Variants in IAH1 observed in about 807,000 individuals in gnomAD.
The protein encoded by IAH1 is isoamyl acetate hydrolyzing esterase 1 (putative).
IAH1 carries 24 observed loss-of-function variants against 26.7 expected under a neutral mutation model. That is an observed-to-expected ratio of 0.90 (90% confidence interval 0.65 to 1.26). The LOEUF (loss-of-function observed/expected upper bound fraction) is 1.26. IAH1 is among the 50% of genes most tolerant of loss of function. IAH1 has a pLI of 0.00. For synonymous variants in IAH1, 140 were observed against 118.5 expected (o/e 1.18, Z -1.18); for missense variants, 300 against 299.9 (o/e 1.00, Z 0.00).
the IAH1 span, among the ~76,000 whole-genome samples, chr2:9,504,138 G>A: frequency 1.3e-5 from 2 of 151,604 alleles, no homozygotes; most frequent in Non-Finnish European, 2.9e-5. Context: ...GCAACAGACT[G>A]AGACCCTGTC....
rs544861046 is a variant in IAH1 at position 9,476,713 on chromosome 2, T to C, written c.134+674T>C. On this transcript the variant is annotated intron_variant, in intron 2 of 5. Transcript: ENST00000497473. ...CTCTGTGGGGAGCTCCTGAGACTCATTGTCCAGGGGAGGAATGCCACAAGG... is the reference window on the plus strand; with the variant it reads ...CTCTGTGGGGAGCTCCTGAGACTCACTGTCCAGGGGAGGAATGCCACAAGG... Among the ~76,000 whole-genome samples, 11 of 152,300 alleles carry C rather than the reference T, an allele frequency of 7.2e-5. No individual in the cohort carries two copies. The South Asian group carries it at 1.5e-3, about 20-fold the overall frequency.
At chr2:9,485,669 G>C (rs1661436117) in intron 5 of IAH1, 1 of 151,048 alleles carries the variant, frequency 6.6e-6, no homozygotes, top group African/African-American at 2.4e-5. Flanking sequence ...AAAAAGGCAA[G>C]ACTGCAGTAA....
At chr2:9,487,819 TGTGTGTGTGTGTGTGCGC>T (rs1229424496) in intron 5 of IAH1, among the ~76,000 whole-genome samples, 93 of 107,644 alleles carry the variant, frequency 8.6e-4, no homozygotes, top group African/African-American at 3.1e-3. Context: ...TGTGTGTGTG[TGTGTGTGTGTGTGTGCGC>T]GCGCGCGCGC....
At chr2:9,500,553 T>C (rs1056265109), downstream of IAH1, among the ~76,000 whole-genome samples, 14 of 152,192 alleles carry the variant, frequency 9.2e-5, no homozygotes, top group East Asian at 1.2e-3. Flanking sequence ...ACTACATGAG[T>C]GTGAATTATG....
intron 6 of IAH1, among the ~76,000 whole-genome samples, chr2:9,495,860 C>T (rs980569112): frequency 7.2e-6 from 1 of 138,664 alleles, no homozygotes; most frequent in East Asian, 2.1e-4. Flanking sequence ...TACGTGTTAC[C>T]TTTTTTTTTT....
chr2:9,502,794 G>A, the IAH1 span, among the ~76,000 whole-genome samples: 9 of 147,298 alleles, frequency 6.1e-5, no homozygotes, highest in South Asian at 1.3e-3. Context: ...CAGGAGAATC[G>A]CCTGGACCCC....
the IAH1 span, among the ~76,000 whole-genome samples, chr2:9,501,768 A>ATATT: frequency 6.6e-6 from 1 of 152,184 alleles, no homozygotes; most frequent in African/African-American, 2.4e-5. Flanking sequence ...AAACCTTGTT[A>ATATT]TATTATCTGT....
At chr2:9,483,711 C>A (rs781569859) in intron 4 of IAH1, among the ~76,000 whole-genome samples, 1 of 152,186 alleles carries the variant, frequency 6.6e-6, no homozygotes, top group Non-Finnish European at 1.5e-5. Context: ...TCCCCAGATA[C>A]TGCACTCCAG....
At chr2:9,501,039 C>T (rs926193531), downstream of IAH1, among the ~76,000 whole-genome samples, 1 of 149,272 alleles carries the variant, frequency 6.7e-6, no homozygotes, top group Non-Finnish European at 1.5e-5. Context: ...GATTTCTGTT[C>T]TGAGAATGGC....
At chr2:9,474,451 C>T (rs1682345769), upstream of IAH1, 1 of 518,726 alleles carries the variant, frequency 1.9e-6, no homozygotes, top group Admixed American at 4.5e-5. This position sits in a 1 kb window ranked among gnomAD's most constrained non-coding sequence, Gnocchi z 4.3. Flanking sequence ...GACCTTCGCG[C>T]GTCACCAAAG....
At chr2:9,490,957 G>GTAA (rs1662089159), downstream of IAH1, 2 of 686,078 alleles carry the variant, frequency 2.9e-6, no homozygotes. Context: ...TGTCAGAAGG[G>GTAA]TAAACATTCC....
chr2:9,487,833 TGCGCGCGC>T lies in IAH1; in HGVS notation c.565-303_565-296del, dbSNP rs138868847. Among the ~76,000 whole-genome samples the T allele has an allele frequency of 9.2e-3, 760 of 82,728 alleles. 3 individuals carry two copies. Among genetic ancestry groups the T allele is most frequent in the African/African-American group, 0.033 (691 of 21,190 alleles). 54.3% of individuals were successfully genotyped at this position (82,728 alleles called of 152,430 possible). ...GTGTGTGTGTGTGTGTGTGTGTGTG[TGCGCGCGC>T]GCGCGCGCGCTGTGGGGGGAGACAG... On this transcript the variant is annotated intron_variant, in intron 5 of 5. Transcript: ENST00000497473.
chr2:9,497,263 C>A, downstream of IAH1: 1 of 1,613,432 alleles, frequency 6.2e-7, no homozygotes, highest in Non-Finnish European at 8.5e-7. Flanking sequence ...AAGCAAACAC[C>A]AGTCATAACA....
downstream of IAH1, among the ~76,000 whole-genome samples, chr2:9,501,322 C>T (rs1033257030): frequency 1.3e-5 from 2 of 152,078 alleles, no homozygotes; most frequent in Non-Finnish European, 2.9e-5. Context: ...TAATTCCAAG[C>T]GTTGGCCAGA....
downstream of IAH1, among the ~76,000 whole-genome samples, chr2:9,498,950 A>G (rs1662814200): frequency 1.3e-5 from 2 of 152,142 alleles, no homozygotes; most frequent in African/African-American, 4.8e-5. Flanking sequence ...CATGGAAATC[A>G]CCTGACAGAA....
chr2:9,487,833 T>TGTGTGTGCGC (rs1192269311), intron 5 of IAH1, among the ~76,000 whole-genome samples: 16 of 82,760 alleles, frequency 1.9e-4, no homozygotes, highest in African/African-American at 4.2e-4. Flanking sequence ...TGTGTGTGTG[T>TGTGTGTGCGC]GCGCGCGCGC....
intron 4 of IAH1, among the ~76,000 whole-genome samples, chr2:9,481,781 T>C (rs899625283): frequency 2.0e-5 from 3 of 151,932 alleles, no homozygotes; most frequent in African/African-American, 7.3e-5. Flanking sequence ...CGGGGGCTGA[T>C]GCTGATGTGC....
downstream of IAH1, chr2:9,490,032 C>CTGTT (rs1408082590): frequency 1.4e-6 from 1 of 736,786 alleles, no homozygotes; most frequent in Non-Finnish European, 2.1e-6. Flanking sequence ...CACACAAGAA[C>CTGTT]TGTTTACCTG....
Position 9,474,777 on chromosome 2 carries a change from G to T in IAH1, c.81+130G>T, listed in dbSNP as rs1682378084. 1.5e-6 allele frequency: 1 copy of T among 675,902 alleles called. No homozygotes were observed. Among genetic ancestry groups the T allele is most frequent in the African/African-American group, 1.9e-5 (1 of 51,708 alleles). The allele number at this position is 675,902 out of a possible 1,614,324, so 41.9% of individuals were successfully genotyped here. ...GGCCGGAGGCCTGGCCACGCCCGTG[G>T]AGACACCGGAGGAGTGGCGGGTCCC... On this transcript the variant is annotated intron_variant, in intron 1 of 5. Transcript: ENST00000497473. This position sits in a 1 kb window ranked among gnomAD's most constrained non-coding sequence, Gnocchi z 4.3.
Sources: allele counts gnomAD v4.1 joint callset (sites outside exome capture counted in the v4.1 genomes callset), GRCh38; gene constraint gnomAD v4.1.1; non-coding constraint Gnocchi (gnomAD v3.1); transcripts MANE v1.5; gene names NCBI Gene and HGNC (gene_info 2026-07-23, HGNC 2026-07-21).